VAV2: variants seen among roughly 807,000 people sequenced by gnomAD.
VAV2 encodes the protein guanine nucleotide exchange factor VAV2.
In VAV2, 67 loss-of-function variants were observed where a neutral mutation model predicts 132.5. The observed-to-expected ratio is 0.51, with a 90% CI of 0.42 to 0.62. The LOEUF (loss-of-function observed/expected upper bound fraction) is 0.62, where lower values mean the gene tolerates loss of function less well. Ranked by LOEUF, VAV2 falls within the 20% of genes least tolerant of loss-of-function variation. VAV2 has a pLI of 0.00. For missense variants in VAV2, 938 were observed against 1,153.6 expected (o/e 0.81, Z 2.71); for synonymous variants, 492 against 443.5 (o/e 1.11, Z -1.37).
At position 133,795,683 on chromosome 9, in the gene VAV2, T is replaced by C. The variant is rs746521974; in HGVS notation, c.1086A>G (p.Ala362=). Residue 362 remains alanine (A), a synonymous_variant, in exon 12 of 30, where the codon GCA becomes GCG. Coordinates refer to ENST00000371850, the MANE Select transcript of VAV2 (RefSeq NM_001134398.2). The part of the protein sequence containing the change: ...ERPERQQLKE[A]LEAMQDLAMY... ...ACCCACACACCTGCATGGCTTCCAG[T>C]GCTTCTTTGAGCTGCTGCCTCTCAG... The C allele has an allele frequency of 4.3e-6, 7 of 1,614,044 alleles. No individual in the cohort carries two copies. Among genetic ancestry groups the C allele is most frequent in the Non-Finnish European group, 5.9e-6 (7 of 1,179,996 alleles).
Position 133,769,937 on chromosome 9 carries a change from C to T in VAV2, c.2348-434G>A, listed in dbSNP as rs1833560833. Among the ~76,000 whole-genome samples, 2 of 152,198 alleles carry T rather than the reference C, an allele frequency of 1.3e-5. No homozygotes were observed. Among genetic ancestry groups the T allele is most frequent in the Non-Finnish European group, 1.5e-5 (1 of 68,026 alleles). On this transcript the variant is annotated intron_variant, in intron 27 of 29. Transcript: ENST00000371850. The surrounding 1 kb of genome is among the most constrained non-coding windows in gnomAD (Gnocchi z 8.1). ...CGCATGCTCGGGGCCTGCCCCTGCCCCTGATTCCGTGTGGCCTTCCCTGTT... is the reference window on the plus strand; with the variant it reads ...CGCATGCTCGGGGCCTGCCCCTGCCTCTGATTCCGTGTGGCCTTCCCTGTT...
chr9:133,887,008 C>A (rs1006940167), intron 2 of VAV2, among the ~76,000 whole-genome samples: 1 of 152,140 alleles, frequency 6.6e-6, no homozygotes, highest in Admixed American at 6.5e-5. Flanking sequence ...CCAAGCCCCC[C>A]CTCCCCACCC....
intron 2 of VAV2, among the ~76,000 whole-genome samples, chr9:133,908,328 T>G (rs1196415684): frequency 6.6e-6 from 1 of 152,014 alleles, no homozygotes; most frequent in African/African-American, 2.4e-5. Context: ...AAACTGAGAC[T>G]TCGTTCCCCA....
In VAV2 at chr9:133,910,313, C is replaced by T. The variant is rs868051795; in HGVS notation, c.321+28790G>A. 2.0e-5 allele frequency among the ~76,000 whole-genome samples: 3 copies of T among 152,162 alleles called. No homozygotes were observed. The South Asian group carries it at 6.2e-4, about 32-fold the overall frequency. ...GAACAAACCCTGGTGAGTTTCGGCT[C>T]CTGATGTACTGGGGTTTTTGTTAGA... is the stretch of plus-strand genomic sequence containing the variant. On this transcript the variant is annotated intron_variant, in intron 2 of 29. Coordinates refer to ENST00000371850, the MANE Select transcript of VAV2 (RefSeq NM_001134398.2).
intron 2 of VAV2, among the ~76,000 whole-genome samples, chr9:133,922,850 G>A (rs431743): frequency 0.35 from 53,227 of 152,050 alleles, 9,685 homozygotes; most frequent in East Asian, 0.55. Flanking sequence ...ACAGACAAAT[G>A]AGACTACATC....
At chr9:133,942,369 A>G (rs1405787492) in intron 1 of VAV2, among the ~76,000 whole-genome samples, 1 of 152,174 alleles carries the variant, frequency 6.6e-6, no homozygotes, top group Non-Finnish European at 1.5e-5. Flanking sequence ...GCCACACACA[A>G]TTGATTCAGG....
chr9:133,826,205 G>A lies in VAV2; in HGVS notation c.449+8067C>T, dbSNP rs1246982719. ...AGACTGGGAAACTGAGGCCCTGTGT[G>A]GCATTTAACTTGCCCAGAGAAGCAG... On this transcript the variant is annotated intron_variant, in intron 4 of 29. Transcript: ENST00000371850. The surrounding 1 kb of genome is among the most constrained non-coding windows in gnomAD (Gnocchi z 4.2). Among the ~76,000 whole-genome samples the A allele has an allele frequency of 6.6e-6, 1 of 152,188 alleles. No homozygotes were observed. Among genetic ancestry groups the A allele is most frequent in the Non-Finnish European group, 1.5e-5 (1 of 68,044 alleles).
At position 133,866,136 on chromosome 9, in the gene VAV2, G is replaced by A. The variant is rs572862232; in HGVS notation, c.322-4704C>T. Reference sequence around the variant, plus strand: ...CTGTTAGGGCCCAAGCCCTAGGGTGGGCCTGGTTCCAGGCCCCCCAGGGGG... The same window carrying A: ...CTGTTAGGGCCCAAGCCCTAGGGTGAGCCTGGTTCCAGGCCCCCCAGGGGG... On this transcript the variant is annotated intron_variant, in intron 2 of 29. Transcript: ENST00000371850. Among the ~76,000 whole-genome samples, 4 of 151,820 alleles carry A rather than the reference G, an allele frequency of 2.6e-5. No homozygotes were observed. In the East Asian group the frequency reaches 7.7e-4, roughly 29 times the overall value.
intron 3 of VAV2, among the ~76,000 whole-genome samples, chr9:133,839,893 T>C (rs1836649524): frequency 6.6e-6 from 1 of 152,218 alleles, no homozygotes; most frequent in Non-Finnish European, 1.5e-5. Flanking sequence ...GCAGAGTTCC[T>C]GGGGCCACAT....
intron 23 of VAV2, among the ~76,000 whole-genome samples, chr9:133,776,600 T>C (rs1276520600): frequency 6.6e-6 from 1 of 152,042 alleles, no homozygotes; most frequent in East Asian, 1.9e-4. Context: ...ACCATGCAGA[T>C]GGGGAAACTG....
chr9:133,923,991 G>C (rs1308653139), intron 2 of VAV2, among the ~76,000 whole-genome samples: 2 of 152,178 alleles, frequency 1.3e-5, no homozygotes, highest in East Asian at 1.9e-4. Flanking sequence ...CAGCCTGTCG[G>C]GGGGTGGGGG....
In VAV2 at chr9:133,822,276, T is replaced by C. The variant is rs145451935; in HGVS notation, c.450-10060A>G. Among the ~76,000 whole-genome samples the C allele has an allele frequency of 2.2e-4, 33 of 152,348 alleles. No homozygotes were observed. The Middle Eastern group carries it at 0.01, about 47-fold the overall frequency. On this transcript the variant is annotated intron_variant, in intron 4 of 29. Coordinates refer to ENST00000371850, the MANE Select transcript of VAV2 (RefSeq NM_001134398.2). ...GGGATGCGCCGCACTGGCCCCGGGC[T>C]GTCTGATGCTGCCAAGCAGGGTACC... is the stretch of plus-strand genomic sequence containing the variant.
intron 2 of VAV2, among the ~76,000 whole-genome samples, chr9:133,865,983 T>TA (rs1837783380): frequency 2.0e-5 from 3 of 152,212 alleles, no homozygotes; most frequent in African/African-American, 7.2e-5. Flanking sequence ...CCTGGGATGG[T>TA]CAGCTGCTTC....
chr9:133,958,787 G>T (rs1841874772), intron 1 of VAV2, among the ~76,000 whole-genome samples: 1 of 152,196 alleles, frequency 6.6e-6, no homozygotes, highest in African/African-American at 2.4e-5. Context: ...ATCACCACCT[G>T]CATTCATCCA....
intron 29 of VAV2, among the ~76,000 whole-genome samples, chr9:133,767,858 T>G (rs1439024753): frequency 4.6e-5 from 7 of 152,114 alleles, no homozygotes. Flanking sequence ...CTGAGAGACA[T>G]GGGTCAAAGC....
intron 2 of VAV2, among the ~76,000 whole-genome samples, chr9:133,898,497 G>C (rs2810483): frequency 1.9e-4 from 29 of 151,756 alleles, no homozygotes; most frequent in Admixed American, 4.6e-4. Flanking sequence ...AGGAGGCTGA[G>C]GCAGGAGAAT....
At chr9:133,972,802 G>A (rs11793939) in intron 1 of VAV2, among the ~76,000 whole-genome samples, 40,804 of 152,024 alleles carry the variant, frequency 0.27, 5,846 homozygotes, top group Middle Eastern at 0.35. Context: ...CCACTTTACA[G>A]ATGAGGCAAC....
chr9:133,845,507 G>A (rs907596807), intron 3 of VAV2, among the ~76,000 whole-genome samples: 1 of 152,178 alleles, frequency 6.6e-6, no homozygotes, highest in African/African-American at 2.4e-5. Flanking sequence ...TGCCAAGGGG[G>A]ACTGGGTGAC....
intron 1 of VAV2, among the ~76,000 whole-genome samples, chr9:133,957,562 G>A (rs1042142973): frequency 2.0e-5 from 3 of 152,162 alleles, no homozygotes; most frequent in Non-Finnish European, 2.9e-5. Context: ...GAGGAGGGGA[G>A]GCCAGGGACA....
Sources: gnomAD v4.1 joint callset for allele counts (sites outside exome capture counted in the v4.1 genomes callset) on GRCh38, gnomAD v4.1.1 for gene constraint, Gnocchi (gnomAD v3.1) non-coding constraint, MANE v1.5 for transcripts, NCBI Gene and HGNC (gene_info 2026-07-23, HGNC 2026-07-21) for gene names.